WRN: variants seen among roughly 807,000 people sequenced by gnomAD.
WRN encodes bifunctional 3'-5' exonuclease/ATP-dependent helicase WRN.
WRN carries 149 observed loss-of-function variants against 180.7 expected under a neutral mutation model. The ratio of observed to expected loss-of-function variants is 0.82; its 90% confidence interval spans 0.72 to 0.94. WRN has a LOEUF of 0.94. Among genes scored for constraint, WRN ranks in the 40% least tolerant of loss-of-function variants. The pLI, the probability that WRN is intolerant of heterozygous loss-of-function variation, is 0.00. For synonymous variants in WRN, 548 were observed against 568.9 expected (o/e 0.96, Z 0.52); for missense variants, 1,661 against 1,700.1 (o/e 0.98, Z 0.40).
At chr8:31,135,219 T>C (rs1802352617) in intron 24 of WRN, among the ~76,000 whole-genome samples, 1 of 152,046 alleles carries the variant, frequency 6.6e-6, no homozygotes, top group African/African-American at 2.4e-5. Context: ...CAGCTATTTT[T>C]TTTATTTTTT....
chr8:31,142,173 C>G (rs1802666733), intron 26 of WRN, among the ~76,000 whole-genome samples: 2 of 152,068 alleles, frequency 1.3e-5, no homozygotes, highest in Non-Finnish European at 2.9e-5. Context: ...TCTTGAACTC[C>G]TGAGCTCAAG....
chr8:31,125,152 G>A (rs1015608982), intron 23 of WRN, 152 bp downstream of exon 23: 5 of 744,894 alleles, frequency 6.7e-6, no homozygotes, highest in Admixed American at 5.5e-5. Flanking sequence ...CAATATTAAA[G>A]TATTTTGCTT....
At chr8:31,070,564 C>A (rs991942878) in intron 7 of WRN, among the ~76,000 whole-genome samples, 1 of 151,888 alleles carries the variant, frequency 6.6e-6, no homozygotes, top group Non-Finnish European at 1.5e-5. Flanking sequence ...TCCTGAGGGG[C>A]CTACAGTTTT....
intron 2 of WRN, 80 bp downstream of exon 2, chr8:31,058,623 A>G: frequency 7.0e-7 from 1 of 1,430,352 alleles, no homozygotes; most frequent in Non-Finnish European, 9.7e-7. Flanking sequence ...TGTTACTTGT[A>G]AACTTCAAGT....
chr8:31,125,084 A>G, intron 23 of WRN, 84 bp downstream of exon 23: 2 of 1,319,740 alleles, frequency 1.5e-6, no homozygotes, highest in South Asian at 2.5e-5. Context: ...TTGTTGAATG[A>G]TAAGTATTTC....
intron 1 of WRN, among the ~76,000 whole-genome samples, chr8:31,034,321 C>T (rs1031340377): frequency 2.6e-5 from 4 of 152,170 alleles, no homozygotes; most frequent in African/African-American, 9.7e-5. Flanking sequence ...GGGAAATAAC[C>T]TGCTGTCTAT....
chr8:31,106,072 T>C (rs995673028), intron 18 of WRN, among the ~76,000 whole-genome samples: 2 of 152,200 alleles, frequency 1.3e-5, no homozygotes, highest in Admixed American at 6.5e-5. Context: ...CTCCTCCATC[T>C]TGTTTAACAG....
Position 31,154,772 on chromosome 8 carries a change from T to G in WRN, c.3819+17T>G. ...ATGCCTTTGGTAAGTGTGACTTTCA[T>G]GTTACAGGGAATTTTTTTAGTTTAC... On this transcript the variant is annotated intron_variant, in intron 32 of 34. Transcript: ENST00000298139. 1 of 1,613,138 alleles carries G rather than the reference T, an allele frequency of 6.2e-7. No homozygotes were observed. The highest frequency in any genetic ancestry group is 8.5e-7 in the Non-Finnish European group (1 of 1,179,440).
chr8:31,130,647 A>G (rs772884926), intron 23 of WRN, among the ~76,000 whole-genome samples: 13 of 151,180 alleles, frequency 8.6e-5, no homozygotes, highest in Admixed American at 2.0e-4. Flanking sequence ...TTTAAAGAAG[A>G]AGTTTATTTA....
chr8:31,089,052 C>A, intron 13 of WRN, 87 bp downstream of exon 13: 2 of 1,083,792 alleles, frequency 1.8e-6, no homozygotes, highest in Non-Finnish European at 2.8e-6. Context: ...TGCTTAACAG[C>A]AACAGCACAA....
chr8:31,044,949 A>G (rs1225277818), intron 1 of WRN, among the ~76,000 whole-genome samples: 2 of 152,198 alleles, frequency 1.3e-5, no homozygotes, highest in Non-Finnish European at 1.5e-5. Context: ...ACTGACTTGA[A>G]GGTTATGCAG....
chr8:31,091,233 TTGC>T (rs1053894524), intron 15 of WRN, among the ~76,000 whole-genome samples: 2 of 152,136 alleles, frequency 1.3e-5, no homozygotes, highest in Non-Finnish European at 2.9e-5. Context: ...TTTGTTACCC[TTGC>T]TTTTTAGCTT....
chr8:31,121,353 A>ATGTCCAC (rs1207680375), intron 21 of WRN, among the ~76,000 whole-genome samples: 1 of 151,978 alleles, frequency 6.6e-6, no homozygotes, highest in African/African-American at 2.4e-5. Flanking sequence ...TCATTAAACA[A>ATGTCCAC]TGTGTTTTTG....
Position 31,141,696 on chromosome 8 carries a change from C to T in WRN, c.3154C>T (p.His1052Tyr), listed in dbSNP as rs1402031138. The change falls in exon 26 of 35, where the codon CAT (histidine) becomes TAT (tyrosine). Residue 1052 changes from histidine to tyrosine, a missense_variant. His to Tyr is a moderately conservative substitution (Grantham distance 83, BLOSUM62 2). This residue lies in a region of WRN where 1,141 missense variants were observed against 1,149.4 expected (regional missense o/e 0.99). Transcript: ENST00000298139. ...CTTTTAATAGGGTAGAAATTGGCTT[C>T]ATAAAGCTAATACAGAATCTCAGAG... is the stretch of plus-strand genomic sequence containing the variant. ...ALTKKGRNWL[H>Y]KANTESQSLI... The T allele has an allele frequency of 1.2e-6, 2 of 1,614,132 alleles. No homozygotes were observed. The highest frequency in any genetic ancestry group is 1.7e-6 in the Non-Finnish European group (2 of 1,180,022).
At chr8:31,123,760 G>A (rs1355911949) in intron 21 of WRN, among the ~76,000 whole-genome samples, 1 of 152,038 alleles carries the variant, frequency 6.6e-6, no homozygotes, top group African/African-American at 2.4e-5. Flanking sequence ...TTCTTGTAAA[G>A]ATATGCAAAG....
intron 7 of WRN, among the ~76,000 whole-genome samples, chr8:31,074,651 A>T (rs1442192526): frequency 6.6e-6 from 1 of 152,172 alleles, no homozygotes; most frequent in Non-Finnish European, 1.5e-5. Context: ...AACTATATTC[A>T]ACTGCTTGGG....
intron 33 of WRN, among the ~76,000 whole-genome samples, chr8:31,163,006 TTAA>T (rs1190384639): frequency 1.3e-5 from 2 of 152,228 alleles, no homozygotes; most frequent in African/African-American, 4.8e-5. Context: ...ATGTATGAAC[TTAA>T]TAAGTATATA....
At chr8:31,090,796 T>G in intron 14 of WRN, 38 bp from the exon 15 acceptor site, 1 of 1,493,146 alleles carries the variant, frequency 6.7e-7, no homozygotes, top group Middle Eastern at 1.9e-4. Context: ...TATTTCTATA[T>G]TTTTTTCATT....
chr8:31,091,579 C>T (rs955426533), intron 15 of WRN, among the ~76,000 whole-genome samples: 2 of 151,958 alleles, frequency 1.3e-5, no homozygotes, highest in African/African-American at 2.4e-5. Flanking sequence ...GTTCTAGCAA[C>T]CTATTCCTTT....
Sources: allele counts gnomAD v4.1 joint callset (sites outside exome capture counted in the v4.1 genomes callset), GRCh38; gene constraint gnomAD v4.1.1; regional missense constraint gnomAD v4.1.1; transcripts MANE v1.5; gene names NCBI Gene and HGNC (gene_info 2026-07-23, HGNC 2026-07-21).